Variants in CADM2 observed in about 807,000 individuals in gnomAD.
CADM2 encodes cell adhesion molecule 2, also known as immunoglobulin superfamily member 4D.
A neutral mutation model predicts 49.8 loss-of-function variants in CADM2; 12 were observed. The ratio of observed to expected loss-of-function variants is 0.24; its 90% CI spans 0.15 to 0.39. CADM2 has a LOEUF of 0.39. Among genes scored for constraint, CADM2 ranks in the 10% least tolerant of loss-of-function variants. The pLI is 1.00. For synonymous variants in CADM2, 214 were observed against 175.4 expected (o/e 1.22, Z -1.74); for missense variants, 378 against 492.3 (o/e 0.77, Z 2.20).
chr3:85,458,287 A>G (rs942628370), intron 1 of CADM2, among the ~76,000 whole-genome samples: 15 of 152,220 alleles, frequency 9.9e-5, no homozygotes, highest in African/African-American at 2.9e-4. Flanking sequence ...TGCCCTGCAC[A>G]TAACAGGGAT....
chr3:85,895,703 C>T (rs1715126799), intron 5 of CADM2, among the ~76,000 whole-genome samples: 1 of 152,044 alleles, frequency 6.6e-6, no homozygotes, highest in South Asian at 2.1e-4. Context: ...GGAAGTTTTT[C>T]CATGCTGTTC....
chr3:85,349,427 C>G (rs1337032497), intron 1 of CADM2, among the ~76,000 whole-genome samples: 1 of 152,056 alleles, frequency 6.6e-6, no homozygotes, highest in Non-Finnish European at 1.5e-5. Context: ...GATGTTTATC[C>G]TAGGCATTTA....
chr3:85,464,991 T>C (rs2038423579), intron 1 of CADM2, among the ~76,000 whole-genome samples: 1 of 151,938 alleles, frequency 6.6e-6, no homozygotes, highest in Non-Finnish European at 1.5e-5. Context: ...CTACTGAAAA[T>C]ACTAAAAATT....
chr3:84,972,029 A>G (rs1485767577), intron 1 of CADM2, among the ~76,000 whole-genome samples: 2 of 152,146 alleles, frequency 1.3e-5, no homozygotes, highest in Non-Finnish European at 2.9e-5. Context: ...GGAGCTATCA[A>G]TGGACTAATT....
chr3:85,059,650 C>T (rs1462946687), intron 1 of CADM2, among the ~76,000 whole-genome samples: 2 of 152,094 alleles, frequency 1.3e-5, no homozygotes, highest in Admixed American at 6.5e-5. Context: ...CTGTACTGCT[C>T]TCATGATAGT....
intron 1 of CADM2, among the ~76,000 whole-genome samples, chr3:85,536,809 A>T (rs551430873): frequency 1.3e-5 from 2 of 151,650 alleles, no homozygotes; most frequent in Non-Finnish European, 1.5e-5. Flanking sequence ...TTAGACTATT[A>T]TATATATATA....
At chr3:85,542,884 GT>G (rs2061578341) in intron 1 of CADM2, among the ~76,000 whole-genome samples, 1 of 152,138 alleles carries the variant, frequency 6.6e-6, no homozygotes, top group Non-Finnish European at 1.5e-5. Flanking sequence ...TATAACTTTA[GT>G]AATTGAAATC....
At chr3:84,968,855 G>A (rs1241164356) in intron 1 of CADM2, among the ~76,000 whole-genome samples, 2 of 152,090 alleles carry the variant, frequency 1.3e-5, no homozygotes, top group African/African-American at 2.4e-5. Context: ...TATTTAAGCA[G>A]TATTAATTGC....
At chr3:85,294,842 A>G (rs2043911724) in intron 1 of CADM2, among the ~76,000 whole-genome samples, 1 of 152,228 alleles carries the variant, frequency 6.6e-6, no homozygotes, top group African/African-American at 2.4e-5. Context: ...AAACCCTAGA[A>G]GAATACCTAG....
chr3:85,565,139 G>A (rs2062217945), intron 1 of CADM2, among the ~76,000 whole-genome samples: 1 of 151,924 alleles, frequency 6.6e-6, no homozygotes, highest in Non-Finnish European at 1.5e-5. Flanking sequence ...TTCTGTTTAT[G>A]CCCATTGAAT....
intron 3 of CADM2, among the ~76,000 whole-genome samples, chr3:85,810,260 T>G (rs1411957986): frequency 6.6e-6 from 1 of 152,128 alleles, no homozygotes; most frequent in Non-Finnish European, 1.5e-5. Context: ...CAATTCCTTC[T>G]GGGCTGATCC....
intron 7 of CADM2, among the ~76,000 whole-genome samples, chr3:85,943,953 C>T (rs909523842): frequency 5.3e-5 from 8 of 151,912 alleles, no homozygotes; most frequent in African/African-American, 1.9e-4. Context: ...GGGCTAAATG[C>T]TCTAATTAAA....
intron 1 of CADM2, among the ~76,000 whole-genome samples, chr3:85,535,662 T>C (rs2061408052): frequency 6.6e-6 from 1 of 152,156 alleles, no homozygotes; most frequent in Non-Finnish European, 1.5e-5. Context: ...CCTGTGATAT[T>C]TGGTGCTGTG....
intron 1 of CADM2, among the ~76,000 whole-genome samples, chr3:85,438,141 AT>A (rs1246666369): frequency 1.5e-4 from 23 of 152,204 alleles, no homozygotes; most frequent in Non-Finnish European, 3.1e-4. Context: ...ATTGCTTACT[AT>A]TAGTCTTTGA....
intron 2 of CADM2, among the ~76,000 whole-genome samples, chr3:85,792,443 T>G (rs79098017): frequency 0.044 from 6,640 of 152,348 alleles, 497 homozygotes; most frequent in African/African-American, 0.15. Context: ...GTTTTGCTTA[T>G]TTTTAGGAAC....
intron 2 of CADM2, among the ~76,000 whole-genome samples, chr3:85,742,331 C>T (rs1334937348): frequency 6.6e-6 from 1 of 152,102 alleles, no homozygotes; most frequent in East Asian, 1.9e-4. Context: ...GTCTTTCTAC[C>T]TATGTTAACC....
At chr3:85,628,243 A>G (rs1482604388) in intron 1 of CADM2, among the ~76,000 whole-genome samples, 1 of 151,902 alleles carries the variant, frequency 6.6e-6, no homozygotes, top group Non-Finnish European at 1.5e-5. Context: ...CTTTAGGAGT[A>G]CCTGATGTTA....
chr3:85,078,184 T>C (rs1363087829), intron 1 of CADM2, among the ~76,000 whole-genome samples: 1 of 152,046 alleles, frequency 6.6e-6, no homozygotes, highest in Non-Finnish European at 1.5e-5. Context: ...CATTTTTGTA[T>C]CACTGCCTTT....
At chr3:85,236,111 A>G (rs2042401664) in intron 1 of CADM2, among the ~76,000 whole-genome samples, 1 of 152,064 alleles carries the variant, frequency 6.6e-6, no homozygotes, top group Non-Finnish European at 1.5e-5. Context: ...ACTGTTGGAC[A>G]GGCCAAAAAA....
Sources: gnomAD v4.1 joint callset for allele counts (sites outside exome capture counted in the v4.1 genomes callset) on GRCh38, gnomAD v4.1.1 for gene constraint, MANE v1.5 for transcripts, NCBI Gene and HGNC (gene_info 2026-07-23, HGNC 2026-07-21) for gene names.